KPNA4: variants seen among roughly 807,000 people sequenced by gnomAD.
KPNA4 encodes the protein karyopherin subunit alpha 4, also known as importin subunit alpha-3.
Under a neutral mutation model 71.3 loss-of-function variants are expected in KPNA4, and 13 were observed. The ratio of observed to expected loss-of-function variants is 0.18; its 90% CI spans 0.12 to 0.29. KPNA4 has a LOEUF of 0.29. Among genes scored for constraint, KPNA4 ranks in the 10% least tolerant of loss-of-function variants. The pLI, the probability that KPNA4 is intolerant of heterozygous loss-of-function variation, is 1.00. For synonymous variants in KPNA4, 189 were observed against 195.2 expected, an observed-to-expected ratio of 0.97 and a Z score of 0.26; for missense variants, 334 against 603.2, an observed-to-expected ratio of 0.55 and a Z score of 4.67.
At chr3:160,541,956 A>T (rs1721807635) in intron 1 of KPNA4, among the ~76,000 whole-genome samples, 1 of 152,238 alleles carries the variant, frequency 6.6e-6, no homozygotes, top group African/African-American at 2.4e-5. Flanking sequence ...ACACGTATTA[A>T]TAACATGCAC....
Position 160,507,461 on chromosome 3 carries a change from T to C in KPNA4, c.1372+646A>G, listed in dbSNP as rs58260863. ...GTTGCAGTGAGCCGAGATTGTGCCA[T>C]TGCACTCCAGCCTGGGCAACAGAGC... On this transcript the variant is annotated intron_variant, in intron 15 of 16. Coordinates refer to ENST00000334256, the MANE Select transcript of KPNA4 (RefSeq NM_002268.5). Among the ~76,000 whole-genome samples the C allele has an allele frequency of 8.2e-3, 1,206 of 147,152 alleles. 14 individuals are homozygous for C. Among genetic ancestry groups the C allele is most frequent in the African/African-American group, 0.03 (1,166 of 39,104 alleles).
chr3:160,530,519 AAGAG>A (rs1238081590), intron 7 of KPNA4, among the ~76,000 whole-genome samples: 1 of 152,062 alleles, frequency 6.6e-6, no homozygotes, highest in Non-Finnish European at 1.5e-5. Context: ...AAAACAAAAA[AAGAG>A]AGGCTGAGAG....
chr3:160,521,226 G>A (rs1721343598), intron 11 of KPNA4, among the ~76,000 whole-genome samples: 1 of 152,054 alleles, frequency 6.6e-6, no homozygotes. Context: ...AAGAGGAGTA[G>A]GAAAAAATAA....
At chr3:160,525,391 T>C (rs1335365906) in intron 10 of KPNA4, among the ~76,000 whole-genome samples, 1 of 152,204 alleles carries the variant, frequency 6.6e-6, no homozygotes, top group Non-Finnish European at 1.5e-5. Context: ...ACTATTTGTG[T>C]GTGCTTTCAT....
Position 160,526,042 on chromosome 3 carries a change from T to C in KPNA4, c.622A>G (p.Ile208Val), listed in dbSNP as rs1000808863. ...AATGTTATAGGAATAGATGGACTTA[T>C]GAAGGAAAGTAAAGGTTTCACAACT... ...LGVVKPLLSF[I>V]SPSIPITFLR... The change falls in exon 9 of 17, where the codon ATA (isoleucine) becomes GTA (valine). Residue 208 changes from isoleucine (I) to valine (V), a missense_variant. Transcript: ENST00000334256. The C allele has an allele frequency of 3.1e-6, 5 of 1,598,736 alleles. No homozygotes were observed. Among genetic ancestry groups the C allele is most frequent in the South Asian group, 1.1e-5 (1 of 87,974 alleles).
chr3:160,513,638 G>C (rs1182751696), intron 13 of KPNA4, among the ~76,000 whole-genome samples: 1 of 152,050 alleles, frequency 6.6e-6, no homozygotes, highest in Non-Finnish European at 1.5e-5. Flanking sequence ...GCATACAATA[G>C]CATACTTATT....
At chr3:160,523,031 T>G (rs1158303283) in intron 10 of KPNA4, among the ~76,000 whole-genome samples, 1 of 152,190 alleles carries the variant, frequency 6.6e-6, no homozygotes, top group Non-Finnish European at 1.5e-5. Context: ...AAGGGCAGTA[T>G]GACAAACAAC....
chr3:160,536,870 A>T (rs1281313224), intron 1 of KPNA4, 30 bp from the exon 2 acceptor site: 9 of 1,300,170 alleles, frequency 6.9e-6, no homozygotes, highest in Non-Finnish European at 1.0e-5. Flanking sequence ...AAATATTTTT[A>T]AAATCACCTC....
At chr3:160,516,291 T>C (rs1314479991) in intron 11 of KPNA4, among the ~76,000 whole-genome samples, 1 of 150,804 alleles carries the variant, frequency 6.6e-6, no homozygotes, top group Non-Finnish European at 1.5e-5. Context: ...TGCACCCTGC[T>C]CCAAGAAACC....
intron 16 of KPNA4, 62 bp from the exon 17 acceptor site, chr3:160,502,264 A>C: frequency 1.3e-6 from 1 of 795,770 alleles, no homozygotes; most frequent in Non-Finnish European, 1.9e-6. Context: ...AAACAGTATT[A>C]TAGTACTAAT....
intron 1 of KPNA4, among the ~76,000 whole-genome samples, chr3:160,542,080 A>G (rs146764745): frequency 4.9e-4 from 75 of 152,342 alleles, no homozygotes; most frequent in African/African-American, 1.8e-3. Context: ...AAAATATAGC[A>G]TGTACAAAAA....
rs752180179 is a variant in KPNA4, at chr3:160,565,287, G to C, written c.-5C>G. 11 of 1,596,660 alleles carry C rather than the reference G, an allele frequency of 6.9e-6. No individual in the cohort carries two copies. Among genetic ancestry groups the C allele is most frequent in the Non-Finnish European group, 9.4e-6 (11 of 1,172,014 alleles). ...CAGTTTCTCGTTGTCCGCCATGGCCGGGCCGGTGACTCCTTCCCCCGCCCG... is the reference window on the plus strand; with the variant it reads ...CAGTTTCTCGTTGTCCGCCATGGCCCGGCCGGTGACTCCTTCCCCCGCCCG... On this transcript the variant is annotated 5_prime_UTR_variant, in exon 1 of 17. Transcript: ENST00000334256.
intron 15 of KPNA4, among the ~76,000 whole-genome samples, chr3:160,506,940 G>A (rs887153955): frequency 7.2e-5 from 11 of 151,956 alleles, no homozygotes; most frequent in African/African-American, 2.7e-4. Context: ...TTGAAGTTAT[G>A]GGTTCTCCTA....
rs200107979 is a variant in KPNA4, at chr3:160,521,958, T to G, written c.772-48A>C. On this transcript the variant is annotated intron_variant, in intron 10 of 16. Transcript: ENST00000334256. ...AAACAACTTTTAAATATTTTCTCAT[T>G]TTAGTAATTCTTGACCAAACAACCA... is the stretch of plus-strand genomic sequence containing the variant. The G allele has an allele frequency of 3.9e-6, 6 of 1,522,794 alleles. No homozygotes were observed. In the East Asian group the frequency reaches 6.9e-5, roughly 18 times the overall value. 94.3% of individuals were successfully genotyped at this position (1,522,794 alleles called of 1,614,324 possible). A position where few individuals can be genotyped will look rare whatever the true frequency, so the allele number is the denominator to read the frequency against.
chr3:160,554,673 A>C (rs970242413), intron 1 of KPNA4, among the ~76,000 whole-genome samples: 1 of 152,180 alleles, frequency 6.6e-6, no homozygotes, highest in Admixed American at 6.5e-5. Context: ...GGGGAGGGAA[A>C]AGGGGCTGAA....
chr3:160,552,839 A>G (rs1426721843), intron 1 of KPNA4, among the ~76,000 whole-genome samples: 1 of 152,184 alleles, frequency 6.6e-6, no homozygotes, highest in Non-Finnish European at 1.5e-5. Context: ...GAATAAGAGT[A>G]TAAGTAACTA....
chr3:160,522,095 C>T (rs6772847), intron 10 of KPNA4, among the ~76,000 whole-genome samples, 185 bp from the exon 11 acceptor site: 39 of 152,188 alleles, frequency 2.6e-4, no homozygotes, highest in African/African-American at 8.0e-4. Context: ...TGTACTAAGA[C>T]GTACATCTTT....
At chr3:160,536,639 AT>A (rs1721700336) in intron 2 of KPNA4, among the ~76,000 whole-genome samples, 156 bp downstream of exon 2, 1 of 152,116 alleles carries the variant, frequency 6.6e-6, no homozygotes, top group Non-Finnish European at 1.5e-5. Context: ...AGCAGTTGAG[AT>A]TTTAAAAAGT....
chr3:160,502,839 G>A (rs796449477), intron 16 of KPNA4, among the ~76,000 whole-genome samples: 6 of 152,108 alleles, frequency 3.9e-5, no homozygotes, highest in South Asian at 4.1e-4. Context: ...AGCTAGGCGC[G>A]GTGGCTCATG....
Sources: gnomAD v4.1 joint callset for allele counts (sites outside exome capture counted in the v4.1 genomes callset) on GRCh38, gnomAD v4.1.1 for gene constraint, MANE v1.5 for transcripts, NCBI Gene and HGNC (gene_info 2026-07-23, HGNC 2026-07-21) for gene names.